Variants in RERE observed in about 807,000 individuals in gnomAD.
RERE encodes the protein arginine-glutamic acid dipeptide repeats protein.
A neutral mutation model predicts 146.1 loss-of-function variants in RERE; 40 were observed. That is an observed-to-expected ratio of 0.27 (90% CI 0.21 to 0.36). RERE has a LOEUF of 0.36. RERE is among the 10% of genes least tolerant of loss of function. The pLI, the probability that RERE is intolerant of heterozygous loss-of-function variation, is 1.00. For missense variants in RERE, 1,933 were observed against 2,138.7 expected (o/e 0.90, Z 1.90); for synonymous variants, 1,003 against 866.0 (o/e 1.16, Z -2.78).
intron 1 of RERE, among the ~76,000 whole-genome samples, chr1:8,684,664 A>G (rs907335358): frequency 3.3e-5 from 5 of 152,224 alleles, no homozygotes; most frequent in Non-Finnish European, 5.9e-5. Context: ...ACCCAAGCAC[A>G]ATCTGATGCC....
intron 2 of RERE, among the ~76,000 whole-genome samples, chr1:8,650,028 G>A (rs962055860): frequency 9.9e-5 from 15 of 152,128 alleles, no homozygotes; most frequent in African/African-American, 3.4e-4. Flanking sequence ...TTACCGAGAC[G>A]AGAAGAGCAA....
At chr1:8,717,656 G>A (rs1639789635) in intron 1 of RERE, among the ~76,000 whole-genome samples, 1 of 152,208 alleles carries the variant, frequency 6.6e-6, no homozygotes, top group African/African-American at 2.4e-5. Context: ...AATCTGTTAA[G>A]TTTCAGACAG....
intron 2 of RERE, among the ~76,000 whole-genome samples, chr1:8,633,883 G>A (rs1017200017): frequency 1.3e-5 from 2 of 151,934 alleles, no homozygotes; most frequent in African/African-American, 2.4e-5. Context: ...GAACAGAGAT[G>A]GTGCCACTGC....
intron 1 of RERE, among the ~76,000 whole-genome samples, chr1:8,659,740 A>G (rs1638411268): frequency 6.6e-6 from 1 of 152,328 alleles, no homozygotes; most frequent in East Asian, 1.9e-4. Context: ...AAAAAAAATC[A>G]TTCTCCCTGG....
intron 1 of RERE, among the ~76,000 whole-genome samples, chr1:8,738,293 A>AT (rs1035134963): frequency 1.0e-4 from 15 of 150,610 alleles, no homozygotes; most frequent in Admixed American, 7.9e-4. Context: ...CTTTTTTTTT[A>AT]TTTTTTTGAG....
rs568909626 is a variant in RERE, at chr1:8,592,524, G to A, written c.522+22037C>T. 1.8e-4 allele frequency among the ~76,000 whole-genome samples: 27 copies of A among 152,022 alleles called. No individual in the cohort carries two copies. The East Asian group carries it at 4.0e-3, about 22-fold the overall frequency. On this transcript the variant is annotated intron_variant, in intron 4 of 22. Coordinates refer to ENST00000400908, the MANE Select transcript of RERE (RefSeq NM_001042681.2). ...TGGGCTCTAGTGATCCACCCGCTTCGGCCTCCCAAAGTGCTGGGATTACAG... is the reference window on the plus strand; with the variant it reads ...TGGGCTCTAGTGATCCACCCGCTTCAGCCTCCCAAAGTGCTGGGATTACAG...
At chr1:8,552,603 A>G (rs1022220831) in intron 6 of RERE, among the ~76,000 whole-genome samples, 2 of 152,218 alleles carry the variant, frequency 1.3e-5, no homozygotes, top group African/African-American at 4.8e-5. Flanking sequence ...TGGAAAAAAA[A>G]GGTAAAGCTT....
intron 7 of RERE, among the ~76,000 whole-genome samples, chr1:8,521,238 T>G (rs1645496930): frequency 7.4e-6 from 1 of 134,414 alleles, no homozygotes. Flanking sequence ...TCAAAGAGAG[T>G]AAGAAGAAAG....
chr1:8,652,185 G>C (rs188764052), intron 2 of RERE, among the ~76,000 whole-genome samples: 1 of 152,048 alleles, frequency 6.6e-6, no homozygotes. Flanking sequence ...GGATGCAAAG[G>C]CACAGCCCCC....
At chr1:8,378,085 G>T (rs1400598713) in intron 12 of RERE, among the ~76,000 whole-genome samples, 1 of 152,148 alleles carries the variant, frequency 6.6e-6, no homozygotes, top group South Asian at 2.1e-4. Flanking sequence ...TCAATACAAA[G>T]AAAGGAAAAG....
chr1:8,638,516 T>C (rs1456604102), intron 2 of RERE, among the ~76,000 whole-genome samples: 1 of 152,160 alleles, frequency 6.6e-6, no homozygotes, highest in Non-Finnish European at 1.5e-5. Flanking sequence ...ATGAATGGCA[T>C]ACAAAGCAGC....
At chr1:8,455,696 A>G (rs1452616965) in intron 11 of RERE, among the ~76,000 whole-genome samples, 3 of 152,122 alleles carry the variant, frequency 2.0e-5, no homozygotes, top group African/African-American at 4.8e-5. Flanking sequence ...CACCCACTCA[A>G]ATGATATTTT....
Position 8,698,679 on chromosome 1 carries a change from AT to A in RERE, c.-144-42239del, listed in dbSNP as rs199529451. On this transcript the variant is annotated intron_variant, in intron 1 of 22. Transcript: ENST00000400908. ...TAAATACTTTACTTTTTCTATTTTT[AT>A]TTTTTTTAATAGATAGAGACAGGGT... Among the ~76,000 whole-genome samples the A allele has an allele frequency of 3.2e-4, 49 of 151,966 alleles. 1 individual carries two copies. The Middle Eastern group carries it at 0.014, about 42-fold the overall frequency.
chr1:8,370,730 G>C (rs72864290), intron 12 of RERE, among the ~76,000 whole-genome samples: 3,142 of 152,252 alleles, frequency 0.021, 121 homozygotes, highest in African/African-American at 0.073. Context: ...GCAGCTAGAG[G>C]CCTCGCCAGG....
chr1:8,803,063 T>C (rs1481722353), intron 1 of RERE, among the ~76,000 whole-genome samples: 1 of 152,232 alleles, frequency 6.6e-6, no homozygotes, highest in Non-Finnish European at 1.5e-5. Context: ...TTATAAGTTA[T>C]ATTTTAAAAT....
intron 9 of RERE, among the ~76,000 whole-genome samples, chr1:8,496,584 GT>G (rs1645049183): frequency 6.6e-6 from 1 of 152,162 alleles, no homozygotes; most frequent in Non-Finnish European, 1.5e-5. Context: ...TTGCTTTCAT[GT>G]TTTTGTTGTC....
chr1:8,784,827 A>G (rs1236229487), intron 1 of RERE, among the ~76,000 whole-genome samples: 1 of 152,204 alleles, frequency 6.6e-6, no homozygotes, highest in Non-Finnish European at 1.5e-5. Flanking sequence ...AAATTTTGCT[A>G]AAGAAAAAAA....
At chr1:8,686,643 G>A (rs1018760181) in intron 1 of RERE, among the ~76,000 whole-genome samples, 4 of 152,138 alleles carry the variant, frequency 2.6e-5, no homozygotes, top group African/African-American at 9.7e-5. Flanking sequence ...TCAGCTACTT[G>A]GGAGGCTGAG....
rs1284932571 is a variant in RERE, at chr1:8,601,772, C to CACACAA, written c.522+12783_522+12788dup. Among the ~76,000 whole-genome samples, 748 of 138,984 alleles carry CACACAA rather than the reference C, an allele frequency of 5.4e-3. 5 individuals carry two copies. The highest frequency in any genetic ancestry group is 0.018 in the African/African-American group (709 of 39,230). 91.2% of individuals were successfully genotyped at this position (138,984 alleles called of 152,430 possible). On this transcript the variant is annotated intron_variant, in intron 4 of 22. Transcript: ENST00000400908. ...ACACACACACACACACACACACACA[C>CACACAA]ACACAAACACACACACAGACACACA...
Sources: gnomAD v4.1 joint callset for allele counts (sites outside exome capture counted in the v4.1 genomes callset) on GRCh38, gnomAD v4.1.1 for gene constraint, MANE v1.5 for transcripts, NCBI Gene and HGNC (gene_info 2026-07-23, HGNC 2026-07-21) for gene names.